The following STIL variants were observed in gnomAD, a reference collection of about 807,000 sequenced individuals.
STIL encodes the protein STIL centriolar assembly protein.
Under a neutral mutation model 110.1 loss-of-function variants are expected in STIL, and 55 were observed. The ratio of observed to expected loss-of-function variants is 0.50; its 90% CI spans 0.40 to 0.63. The LOEUF is 0.63. Among genes scored for constraint, STIL ranks in the 20% least tolerant of loss-of-function variants. The pLI is 0.00. For synonymous variants in STIL, 481 were observed against 530.0 expected, an observed-to-expected ratio of 0.91 and a Z score of 1.27; for missense variants, 1,358 against 1,530.0, an observed-to-expected ratio of 0.89 and a Z score of 1.87.
chr1:47,299,939 T>G lies in STIL; in HGVS notation c.667A>C (p.Asn223His). 1 of 1,614,112 alleles carries G rather than the reference T, an allele frequency of 6.2e-7. No individual in the cohort carries two copies. The highest frequency in any genetic ancestry group is 1.1e-5 in the South Asian group (1 of 91,088). Residue 223 changes from asparagine (N) to histidine (H), a missense_variant, in exon 6 of 17, where the codon AAT (asparagine) becomes CAT (histidine). Physicochemically the swap from Asn to His is moderately conservative, Grantham distance 68. Transcript: ENST00000371877. ...ALARNLSSNL[N>H]ISQVQGTYKY... ...TAAGTCCCTTGAACTTGAGAAATATTCAGATTACTGCTCAAGTTTCTTGCC... is the reference window on the plus strand; with the variant it reads ...TAAGTCCCTTGAACTTGAGAAATATGCAGATTACTGCTCAAGTTTCTTGCC...
intron 16 of STIL, among the ~76,000 whole-genome samples, chr1:47,252,805 ACAC>A (rs1644223347): frequency 6.6e-6 from 1 of 151,466 alleles, no homozygotes; most frequent in Non-Finnish European, 1.5e-5. Context: ...ACACACACAC[ACAC>A]ACACACACAC....
intron 10 of STIL, among the ~76,000 whole-genome samples, chr1:47,286,134 CA>C (rs1396315751): frequency 1.3e-5 from 2 of 152,056 alleles, no homozygotes; most frequent in African/African-American, 4.8e-5. Flanking sequence ...CTCAGCCTCC[CA>C]AAGTGCTAGG....
At chr1:47,256,983 TACAAA>T (rs1200452982) in intron 16 of STIL, among the ~76,000 whole-genome samples, 2 of 151,432 alleles carry the variant, frequency 1.3e-5, no homozygotes, top group African/African-American at 4.9e-5. Context: ...GCAATAAGAG[TACAAA>T]ACATCAATAC....
At chr1:47,274,356 G>A (rs1032298208) in intron 12 of STIL, among the ~76,000 whole-genome samples, 2 of 149,944 alleles carry the variant, frequency 1.3e-5, no homozygotes, top group Non-Finnish European at 3.0e-5. Flanking sequence ...CTTTGAGACA[G>A]AGCCTCGCTC....
intron 15 of STIL, among the ~76,000 whole-genome samples, chr1:47,261,802 C>T (rs1644494586): frequency 6.7e-6 from 1 of 149,668 alleles, no homozygotes; most frequent in South Asian, 2.1e-4. Context: ...GTCCCAGCTA[C>T]TTGGAAGGCT....
chr1:47,291,932 A>G lies in STIL; in HGVS notation c.872+1526T>C, dbSNP rs1044246635. ...GAGTACAGTGGCACAATCATGGCTTACTGCAGCCTGAACTCCTGGGCTCAA... is the reference window on the plus strand; with the variant it reads ...GAGTACAGTGGCACAATCATGGCTTGCTGCAGCCTGAACTCCTGGGCTCAA... On this transcript the variant is annotated intron_variant, in intron 8 of 16. Coordinates refer to ENST00000371877, the MANE Select transcript of STIL (RefSeq NM_001048166.1). 1.1e-4 allele frequency among the ~76,000 whole-genome samples: 17 copies of G among 151,730 alleles called. 1 individual carries two copies. Among genetic ancestry groups the G allele is most frequent in the Admixed American group, 9.9e-4 (15 of 15,206 alleles).
intron 12 of STIL, among the ~76,000 whole-genome samples, chr1:47,279,183 T>G (rs1398310751): frequency 6.6e-6 from 1 of 150,470 alleles, no homozygotes; most frequent in African/African-American, 2.5e-5. Context: ...CTCCGGCGGC[T>G]GAGGCAGGAG....
At chr1:47,268,085 T>C (rs904222233) in intron 14 of STIL, among the ~76,000 whole-genome samples, 6 of 152,234 alleles carry the variant, frequency 3.9e-5, no homozygotes, top group Non-Finnish European at 7.3e-5. Context: ...TAACATTTCA[T>C]ATATAAATAT....
chr1:47,299,539 T>G (rs1297625510), intron 6 of STIL, among the ~76,000 whole-genome samples: 2 of 151,720 alleles, frequency 1.3e-5, no homozygotes, highest in African/African-American at 4.8e-5. Flanking sequence ...ACTACAGGCA[T>G]GCACCACCAC....
chr1:47,282,188 TTA>T (rs1645172750), intron 11 of STIL, among the ~76,000 whole-genome samples, 155 bp downstream of exon 11: 1 of 152,082 alleles, frequency 6.6e-6, no homozygotes, highest in Non-Finnish European at 1.5e-5. Flanking sequence ...TGTGAAATAC[TTA>T]TATCTCTATA....
Position 47,251,005 on chromosome 1 carries a change from C to T in STIL, c.*131G>A. On this transcript the variant is annotated 3_prime_UTR_variant, in exon 17 of 17. Coordinates refer to ENST00000371877, the MANE Select transcript of STIL (RefSeq NM_001048166.1). ...AGCCAGCCATCTCACAGAAGTCACT[C>T]TTCCCAATTGGCTGCTACCAAGAAA... 1.2e-6 allele frequency: 1 copy of T among 829,578 alleles called. No homozygotes were observed. Among genetic ancestry groups the T allele is most frequent in the African/African-American group, 1.7e-5 (1 of 58,006 alleles). 51.4% of individuals were successfully genotyped at this position (829,578 alleles called of 1,614,324 possible).
chr1:47,290,077 AAACT>A lies in STIL; in HGVS notation c.873-496_873-493del, dbSNP rs1645437487. ...GTACTAAATCATAGCAAAGGATCTA[AAACT>A]AACATTTAATTTCTGCTATCTAAAT... is the stretch of plus-strand genomic sequence containing the variant. On this transcript the variant is annotated intron_variant, in intron 8 of 16. Coordinates refer to ENST00000371877, the MANE Select transcript of STIL (RefSeq NM_001048166.1). Among the ~76,000 whole-genome samples, 4 of 152,322 alleles carry A rather than the reference AAACT, an allele frequency of 2.6e-5. No individual in the cohort carries two copies. The South Asian group carries it at 8.3e-4, about 32-fold the overall frequency.
chr1:47,309,062 A>T lies in STIL; in HGVS notation c.44+1214T>A, dbSNP rs192066186. On this transcript the variant is annotated intron_variant, in intron 2 of 16. Coordinates refer to ENST00000371877, the MANE Select transcript of STIL (RefSeq NM_001048166.1). ...GTGAGACTCTGTCTCCAAAAAAAAA[A>T]AAAAATAATAATAATTAAAAGTGTA... Among the ~76,000 whole-genome samples, 595 of 152,054 alleles carry T rather than the reference A, an allele frequency of 3.9e-3. 3 individuals are homozygous for T. The highest frequency in any genetic ancestry group is 0.013 in the African/African-American group (551 of 41,484).
chr1:47,260,637 C>A, intron 15 of STIL, 98 bp from the exon 16 acceptor site: 1 of 1,294,788 alleles, frequency 7.7e-7, no homozygotes. Flanking sequence ...CTTTGGGAAG[C>A]CAAGGCAGGA....
intron 2 of STIL, among the ~76,000 whole-genome samples, chr1:47,309,496 A>G (rs1646061558): frequency 6.6e-6 from 1 of 152,126 alleles, no homozygotes; most frequent in Admixed American, 6.5e-5. Flanking sequence ...AGCAAAAGGA[A>G]TACGATAGCC....
intron 2 of STIL, among the ~76,000 whole-genome samples, chr1:47,305,786 G>A (rs1271273323): frequency 7.9e-6 from 1 of 126,494 alleles, no homozygotes; most frequent in Admixed American, 9.3e-5. Context: ...AGGCTGGAGT[G>A]CAATGGCGTG....
chr1:47,280,598 C>A lies in STIL; in HGVS notation c.1860G>T (p.Trp620Cys). 6.2e-7 allele frequency: 1 copy of A among 1,614,200 alleles called. No individual in the cohort carries two copies. Among genetic ancestry groups the A allele is most frequent in the Non-Finnish European group, 8.5e-7 (1 of 1,180,044 alleles). Residue 620 changes from tryptophan to cysteine, a missense_variant, in exon 12 of 17, where the codon TGG becomes TGT. Physicochemically the swap from Trp to Cys is radical, Grantham distance 215. Transcript: ENST00000371877. ...TGGATCCAACTGTGTTTGCTCCTTGCCAAGAATTTAGCGGACTATATTGAA... is the reference window on the plus strand; with the variant it reads ...TGGATCCAACTGTGTTTGCTCCTTGACAAGAATTTAGCGGACTATATTGAA... ...SHIQYSPLNSWQGANTVGSIQ... is the reference protein window; with the variant it reads ...SHIQYSPLNSCQGANTVGSIQ...
chr1:47,297,523 A>G (rs1645675752), intron 6 of STIL, among the ~76,000 whole-genome samples: 1 of 152,174 alleles, frequency 6.6e-6, no homozygotes, highest in Non-Finnish European at 1.5e-5. Context: ...AATGTCTAAC[A>G]TAATGCCTAT....
At chr1:47,279,640 G>A (rs1645093840) in intron 12 of STIL, among the ~76,000 whole-genome samples, 1 of 146,404 alleles carries the variant, frequency 6.8e-6, no homozygotes, top group Admixed American at 6.9e-5. Flanking sequence ...GAGGCAGGAA[G>A]ATCACTTGAA....
Sources: allele counts gnomAD v4.1 joint callset (sites outside exome capture counted in the v4.1 genomes callset), GRCh38; gene constraint gnomAD v4.1.1; transcripts MANE v1.5; gene names NCBI Gene and HGNC (gene_info 2026-07-23, HGNC 2026-07-21).